Variants in RIPOR3 observed in about 807,000 individuals in gnomAD.
RIPOR3 encodes RIPOR family member 3, also known as family with sequence similarity 65 member C.
Under a neutral mutation model 114.3 loss-of-function variants are expected in RIPOR3, and 95 were observed. That is an observed-to-expected ratio of 0.83 (90% CI 0.70 to 0.99). The LOEUF (loss-of-function observed/expected upper bound fraction) is 0.99. RIPOR3 is among the 50% of genes least tolerant of loss of function. The pLI is 0.00. For missense variants in RIPOR3, 1,252 were observed against 1,266.9 expected, an observed-to-expected ratio of 0.99 and a Z score of 0.18; for synonymous variants, 575 against 543.8, an observed-to-expected ratio of 1.06 and a Z score of -0.80.
At chr20:50,671,414 G>T (rs551530514) in intron 1 of RIPOR3, among the ~76,000 whole-genome samples, 10 of 85,728 alleles carry the variant, frequency 1.2e-4, no homozygotes, top group Admixed American at 6.1e-4. Flanking sequence ...GCACGCGCGC[G>T]TGCACGCGCG....
At chr20:50,607,811 G>C (rs1459264508) in intron 11 of RIPOR3, among the ~76,000 whole-genome samples, 1 of 152,200 alleles carries the variant, frequency 6.6e-6, no homozygotes, top group Non-Finnish European at 1.5e-5. Flanking sequence ...GCACAGAGCA[G>C]AGGAGTGTCC....
At position 50,604,769 on chromosome 20, in the gene RIPOR3, A is replaced by G; in HGVS notation, c.962T>C (p.Phe321Ser). 2 of 1,608,234 alleles carry G rather than the reference A, an allele frequency of 1.2e-6. No homozygotes were observed. Among genetic ancestry groups the G allele is most frequent in the South Asian group, 1.1e-5 (1 of 90,482 alleles). Residue 321 changes from phenylalanine to serine, a missense_variant, in exon 12 of 22, where the codon TTT (phenylalanine) becomes TCT (serine). Coordinates refer to ENST00000327979, the MANE Select transcript of RIPOR3 (RefSeq NM_001290268.2). ...KLQLEVQWNP[F>S]DTESFLVSPS... ...TGACACCAGGAAGCTCTCAGTATCA[A>G]ACGGGCTGGAGGAGAGAACAGAAGG... is the stretch of plus-strand genomic sequence containing the variant.
chr20:50,669,076 CAT>C (rs537565213), intron 1 of RIPOR3, among the ~76,000 whole-genome samples: 1 of 152,074 alleles, frequency 6.6e-6, no homozygotes, highest in Non-Finnish European at 1.5e-5. Flanking sequence ...ACATTATACA[CAT>C]ATGTACACAT....
chr20:50,609,587 G>A lies in RIPOR3; in HGVS notation c.562C>T (p.His188Tyr). Residue 188 changes from histidine (H) to tyrosine (Y), a missense_variant, in exon 7 of 22, where the codon CAC becomes TAC. Coordinates refer to ENST00000327979, the MANE Select transcript of RIPOR3 (RefSeq NM_001290268.2). ...ESLQELGRSL[H>Y]ECAEDMWLIE... ...GCCCGGCCCACCTCGGCGCACTCGT[G>A]CAGGCTGCGGCCCAGCTCCTGCAGG... The A allele has an allele frequency of 7.0e-7, 1 of 1,421,036 alleles. No homozygotes were observed. 88.0% of individuals were successfully genotyped at this position (1,421,036 alleles called of 1,614,324 possible). A position where few individuals can be genotyped will look rare whatever the true frequency, so the allele number is the denominator to read the frequency against.
intron 1 of RIPOR3, among the ~76,000 whole-genome samples, chr20:50,663,935 T>C (rs2123470663): frequency 6.6e-6 from 1 of 151,616 alleles, no homozygotes. Flanking sequence ...CTTTTTTTTT[T>C]TTTTTTTTGA....
Position 50,609,653 on chromosome 20 carries a change from C to T in RIPOR3, c.496G>A (p.Ala166Thr). The change falls in exon 7 of 22, where the codon GCC (alanine) becomes ACC (threonine). Residue 166 changes from alanine (A) to threonine (T), a missense_variant. Transcript: ENST00000327979. The part of the protein sequence containing the change: ...LRDGASSMQR[A>T]FARCPPSRAA... ...CGGCTCGGGGGGCACCGGGCGAAGG[C>T]CCGCTGCATGCTGGAGGCGCCGTCG... 2 of 1,397,716 alleles carry T rather than the reference C, an allele frequency of 1.4e-6. No individual in the cohort carries two copies. The highest frequency in any genetic ancestry group is 3.4e-5 in the South Asian group (2 of 58,048). 86.6% of individuals were successfully genotyped at this position (1,397,716 alleles called of 1,614,324 possible).
intron 1 of RIPOR3, among the ~76,000 whole-genome samples, chr20:50,646,426 G>A (rs910472411): frequency 1.1e-4 from 16 of 151,674 alleles, no homozygotes; most frequent in African/African-American, 1.7e-4. Context: ...GCCACTGTGC[G>A]TGGCCCAGGA....
chr20:50,687,275 C>G (rs1415787362), intron 1 of RIPOR3, among the ~76,000 whole-genome samples: 7 of 152,224 alleles, frequency 4.6e-5, no homozygotes, highest in South Asian at 2.1e-4. Flanking sequence ...GACAGGATCT[C>G]TACTCCACCC....
chr20:50,588,373 C>G (rs1372342176), intron 20 of RIPOR3, among the ~76,000 whole-genome samples: 2 of 152,150 alleles, frequency 1.3e-5, no homozygotes, highest in South Asian at 4.1e-4. Context: ...CCAGCTTCTC[C>G]TCTTAGAATT....
chr20:50,622,843 G>T (rs992300885), intron 2 of RIPOR3, among the ~76,000 whole-genome samples: 5 of 152,196 alleles, frequency 3.3e-5, no homozygotes, highest in Non-Finnish European at 7.3e-5. Flanking sequence ...TACATCAGAG[G>T]ATGGTGCTGA....
At chr20:50,690,040 C>G (rs1394935186) in intron 1 of RIPOR3, among the ~76,000 whole-genome samples, 1 of 152,176 alleles carries the variant, frequency 6.6e-6, no homozygotes, top group Non-Finnish European at 1.5e-5. Context: ...CTGACTTTAT[C>G]TGTCTCTTAT....
intron 2 of RIPOR3, 134 bp from the exon 3 acceptor site, chr20:50,620,266 C>T: frequency 9.8e-7 from 1 of 1,025,540 alleles, no homozygotes; most frequent in Non-Finnish European, 1.4e-6. Context: ...ACCCCCATCA[C>T]CACCAAGCAG....
intron 6 of RIPOR3, among the ~76,000 whole-genome samples, chr20:50,610,039 C>CCCGGCCTCA: frequency 1.6e-5 from 2 of 124,630 alleles, no homozygotes; most frequent in Non-Finnish European, 3.5e-5. Context: ...CACCTGCCAC[C>CCCGGCCTCA]CCTGCCTCCC....
Position 50,686,065 on chromosome 20 carries a change from G to GT in RIPOR3, c.3+5060dup, listed in dbSNP as rs557520115. On this transcript the variant is annotated intron_variant, in intron 1 of 21. Transcript: ENST00000327979. ...AGCATAGACGCCTGGCTCTTTCTTT[G>GT]TTTTTTTTAAGAAGGAGTCTCGCTC... is the stretch of plus-strand genomic sequence containing the variant. Among the ~76,000 whole-genome samples the GT allele has an allele frequency of 2.9e-3, 447 of 151,816 alleles. 11 individuals carry two copies. The South Asian group carries it at 0.042, about 14-fold the overall frequency.
intron 3 of RIPOR3, among the ~76,000 whole-genome samples, chr20:50,618,254 G>T: frequency 8.4e-6 from 1 of 119,614 alleles, no homozygotes; most frequent in African/African-American, 3.4e-5. Flanking sequence ...CTGGGTGACA[G>T]AGTGAGACTC....
intron 2 of RIPOR3, 101 bp from the exon 3 acceptor site, chr20:50,620,233 G>A (rs2084347979): frequency 6.9e-7 from 1 of 1,448,640 alleles, no homozygotes; most frequent in Admixed American, 1.9e-5. Context: ...GCCACAGGGA[G>A]TCAGGAGACC....
chr20:50,620,524 G>A (rs2084358774), intron 2 of RIPOR3, among the ~76,000 whole-genome samples: 1 of 152,196 alleles, frequency 6.6e-6, no homozygotes, highest in East Asian at 1.9e-4. Flanking sequence ...TTACTCCGGA[G>A]GCTGAGGCAC....
In RIPOR3 at chr20:50,602,055, G is replaced by C. The variant is rs748305817; in HGVS notation, c.1659+17C>G. On this transcript the variant is annotated intron_variant, in intron 13 of 21. Transcript: ENST00000327979. The surrounding 1 kb of genome is among the most constrained non-coding windows in gnomAD (Gnocchi z 4.3). ...ATCAGCAAAGCAGGGCCACCGCCCG[G>C]GGCGGGGTGGCCATACCTTCAGCCG... 6.4e-5 allele frequency: 95 copies of C among 1,495,250 alleles called. No individual in the cohort carries two copies. Among genetic ancestry groups the C allele is most frequent in the Non-Finnish European group, 8.4e-5 (94 of 1,124,270 alleles). The allele number at this position is 1,495,250 out of a possible 1,614,324, so 92.6% of individuals were successfully genotyped here.
intron 13 of RIPOR3, among the ~76,000 whole-genome samples, chr20:50,601,834 T>C (rs2122978446): frequency 6.6e-6 from 1 of 152,318 alleles, no homozygotes; most frequent in East Asian, 1.9e-4. Context: ...AGTTTCTGGC[T>C]GGATGTGCAT....
Sources: gnomAD v4.1 joint callset for allele counts (sites outside exome capture counted in the v4.1 genomes callset) on GRCh38, gnomAD v4.1.1 for gene constraint, Gnocchi (gnomAD v3.1) non-coding constraint, MANE v1.5 for transcripts, NCBI Gene and HGNC (gene_info 2026-07-23, HGNC 2026-07-21) for gene names.